CNTNAP2: variants seen among roughly 807,000 people sequenced by gnomAD.
CNTNAP2 encodes contactin-associated protein-like 2.
In CNTNAP2, 98 loss-of-function variants were observed where a neutral mutation model predicts 155.2. That is an observed-to-expected ratio of 0.63 (90% CI 0.54 to 0.75). The LOEUF (loss-of-function observed/expected upper bound fraction) is 0.75. CNTNAP2 is among the 30% of genes least tolerant of loss of function. The pLI, the probability that CNTNAP2 is intolerant of heterozygous loss-of-function variation, is 0.00. For synonymous variants in CNTNAP2, 651 were observed against 631.2 expected (o/e 1.03, Z -0.47); for missense variants, 1,727 against 1,688.1 (o/e 1.02, Z -0.40).
At chr7:147,078,282 G>A (rs890900264) in intron 4 of CNTNAP2, among the ~76,000 whole-genome samples, 4 of 152,168 alleles carry the variant, frequency 2.6e-5, no homozygotes, top group Non-Finnish European at 4.4e-5. Flanking sequence ...AGTTAAGTAC[G>A]TTGCTGTATC....
chr7:147,395,266 G>C (rs1796794665), intron 9 of CNTNAP2, among the ~76,000 whole-genome samples: 1 of 152,116 alleles, frequency 6.6e-6, no homozygotes, highest in Admixed American at 6.6e-5. Context: ...ATCTCTGAGG[G>C]CTGGCTCAGC....
intron 1 of CNTNAP2, among the ~76,000 whole-genome samples, chr7:146,534,462 G>C (rs1319157412): frequency 6.6e-6 from 1 of 152,038 alleles, no homozygotes; most frequent in Non-Finnish European, 1.5e-5. Context: ...AATTGCAAAT[G>C]TACGGTGTAT....
chr7:148,168,890 T>C (rs1436029493), intron 17 of CNTNAP2, among the ~76,000 whole-genome samples: 4 of 151,978 alleles, frequency 2.6e-5, no homozygotes. Flanking sequence ...TAGAAGAAAA[T>C]ATGGTTGAAT....
chr7:147,320,672 A>T (rs1034461256), intron 9 of CNTNAP2, among the ~76,000 whole-genome samples: 3 of 152,192 alleles, frequency 2.0e-5, no homozygotes, highest in Non-Finnish European at 4.4e-5. Flanking sequence ...TATGAAAATA[A>T]AAGCATGAGA....
intron 17 of CNTNAP2, among the ~76,000 whole-genome samples, chr7:148,164,225 A>G (rs1230035488): frequency 6.6e-6 from 1 of 152,206 alleles, no homozygotes; most frequent in Non-Finnish European, 1.5e-5. Context: ...GGCATAAGCC[A>G]CCACACCCAG....
chr7:146,808,851 A>G (rs78045695), intron 2 of CNTNAP2, among the ~76,000 whole-genome samples: 2,413 of 152,274 alleles, frequency 0.016, 25 homozygotes, highest in Middle Eastern at 0.024. Flanking sequence ...CCTCCAGTTC[A>G]TTCACGTTGT....
intron 8 of CNTNAP2, among the ~76,000 whole-genome samples, chr7:147,166,670 G>T (rs1205928187): frequency 6.6e-6 from 1 of 152,086 alleles, no homozygotes; most frequent in Non-Finnish European, 1.5e-5. Context: ...AGTGAAGGGA[G>T]ATAGGGGTGG....
chr7:148,120,852 C>T (rs1804581410), intron 16 of CNTNAP2, among the ~76,000 whole-genome samples: 1 of 151,984 alleles, frequency 6.6e-6, no homozygotes, highest in South Asian at 2.1e-4. Context: ...ATTAGATGCC[C>T]ATCATTATAT....
At chr7:147,870,092 C>A (rs1799302422) in intron 13 of CNTNAP2, among the ~76,000 whole-genome samples, 2 of 152,026 alleles carry the variant, frequency 1.3e-5, no homozygotes, top group South Asian at 4.2e-4. Flanking sequence ...TAGTAAATGG[C>A]AGAATTGTTG....
At chr7:147,401,652 G>A (rs1584926862) in intron 10 of CNTNAP2, among the ~76,000 whole-genome samples, 1 of 152,174 alleles carries the variant, frequency 6.6e-6, no homozygotes, top group Non-Finnish European at 1.5e-5. Context: ...CAGGGAAGGG[G>A]ACTGGTGGGA....
At chr7:147,693,021 G>T (rs1796110851) in intron 13 of CNTNAP2, among the ~76,000 whole-genome samples, 2 of 151,982 alleles carry the variant, frequency 1.3e-5, no homozygotes, top group Admixed American at 1.3e-4. Flanking sequence ...GTTGTGAGGG[G>T]TTCAAGGTGT....
At chr7:147,389,687 G>A (rs1297382536) in intron 9 of CNTNAP2, among the ~76,000 whole-genome samples, 2 of 152,154 alleles carry the variant, frequency 1.3e-5, no homozygotes, top group Non-Finnish European at 2.9e-5. Context: ...AAGAAGAAAG[G>A]TTTCCAGTGC....
intron 8 of CNTNAP2, among the ~76,000 whole-genome samples, chr7:147,233,706 G>T (rs1346556836): frequency 1.3e-5 from 2 of 151,568 alleles, no homozygotes; most frequent in African/African-American, 4.8e-5. Context: ...TAAATACTAT[G>T]CTGCAGTGAT....
chr7:147,540,649 G>T (rs909852658), intron 11 of CNTNAP2, among the ~76,000 whole-genome samples: 7 of 152,074 alleles, frequency 4.6e-5, no homozygotes, highest in Admixed American at 4.6e-4. Context: ...TGGCCAACAT[G>T]GTGAAACTCC....
chr7:147,302,418 T>C (rs533134132), intron 9 of CNTNAP2, among the ~76,000 whole-genome samples: 45 of 152,324 alleles, frequency 3.0e-4, no homozygotes, highest in African/African-American at 1.0e-3. Context: ...AGTTTACAGA[T>C]TCTGGTTTTT....
intron 13 of CNTNAP2, among the ~76,000 whole-genome samples, chr7:147,842,362 G>A (rs1413045020): frequency 2.6e-5 from 4 of 152,272 alleles, no homozygotes; most frequent in South Asian, 2.1e-4. Flanking sequence ...AGTACAGCCA[G>A]TTCTGTGAAT....
chr7:147,698,508 C>G (rs1478027173), intron 13 of CNTNAP2, among the ~76,000 whole-genome samples: 1 of 152,064 alleles, frequency 6.6e-6, no homozygotes, highest in African/African-American at 2.4e-5. Context: ...TTCTTCTTCC[C>G]CCATCCACAC....
chr7:146,714,637 A>G (rs1039535383), intron 1 of CNTNAP2, among the ~76,000 whole-genome samples: 1 of 152,208 alleles, frequency 6.6e-6, no homozygotes, highest in Non-Finnish European at 1.5e-5. Context: ...ATAGGAACAT[A>G]GAATCAGACA....
intron 2 of CNTNAP2, among the ~76,000 whole-genome samples, chr7:146,831,883 T>A (rs959239629): frequency 2.6e-5 from 4 of 152,120 alleles, no homozygotes; most frequent in African/African-American, 9.7e-5. Flanking sequence ...ATATCTTCTT[T>A]CTTCTGTTTT....
Sources: gnomAD v4.1 joint callset for allele counts (sites outside exome capture counted in the v4.1 genomes callset) on GRCh38, gnomAD v4.1.1 for gene constraint, MANE v1.5 for transcripts, NCBI Gene and HGNC (gene_info 2026-07-23, HGNC 2026-07-21) for gene names.